BRWD3: variants seen among roughly 807,000 people sequenced by gnomAD.
The protein encoded by BRWD3 is bromodomain and WD repeat-containing protein 3.
BRWD3 carries 10 observed loss-of-function variants against 149.7 expected under a neutral mutation model. That is an observed-to-expected ratio of 0.07 (90% CI 0.04 to 0.11). The LOEUF (loss-of-function observed/expected upper bound fraction) is 0.11. BRWD3 is among the 10% of genes least tolerant of loss of function. BRWD3 has a pLI of 1.00. For synonymous variants in BRWD3, 504 were observed against 456.7 expected, an observed-to-expected ratio of 1.10 and a Z score of -1.32; for missense variants, 940 against 1,373.2, an observed-to-expected ratio of 0.68 and a Z score of 4.99.
At chrX:80,744,916 C>A (rs1266642645) in intron 7 of BRWD3, among the ~76,000 whole-genome samples, 1 of 111,626 alleles carries the variant, frequency 9.0e-6, no homozygotes, top group Non-Finnish European at 1.9e-5. Flanking sequence ...GGTGTAATAA[C>A]TTCCCGAATA....
rs61147520 is a variant in BRWD3, at chrX:80,781,349, G to C, written c.430+10505C>G. Among the ~76,000 whole-genome samples the C allele has an allele frequency of 7.2e-3, 796 of 110,654 alleles. 7 individuals carry two copies. Among genetic ancestry groups the C allele is most frequent in the African/African-American group, 0.025 (746 of 30,384 alleles). ...TTTATCTTCTGTTTTTGCCTAATTA[G>C]GATTTGAGTGAGCTATTTTTACTAC... On this transcript the variant is annotated intron_variant, in intron 6 of 40. Transcript: ENST00000373275.
intron 6 of BRWD3, among the ~76,000 whole-genome samples, chrX:80,766,276 C>T (rs1164274816): frequency 9.0e-6 from 1 of 111,282 alleles, no homozygotes; most frequent in Non-Finnish European, 1.9e-5. Flanking sequence ...TAATGATTCT[C>T]AGGCTTTTGG....
In BRWD3 at chrX:80,723,796, A is replaced by C; in HGVS notation, c.1602T>G (p.His534Gln). The change falls in exon 16 of 41, where the codon CAT becomes CAG. Residue 534 changes from histidine (H) to glutamine (Q), a missense_variant. By Grantham distance (24) the His-to-Gln change is conservative (BLOSUM62 0). Transcript: ENST00000373275. ...DGNHFACTDS[H>Q]GHLLLFGFGC... ...CAAAACCAAAAAGCAGCAAATGTCC[A>C]TGAGAATCTGTGCAGGCAAAATGGT... The C allele has an allele frequency of 1.7e-6, 2 of 1,210,894 alleles. No individual in the cohort carries two copies.
rs781736002 is a variant in BRWD3 at position 80,754,484 on chromosome X, T to C, written c.431-8755A>G. ...TAATTTGACTTCCTCTTTTCCAATT[T>C]GGATGCCTTTTATTTCTTCTCTCAT... is the stretch of plus-strand genomic sequence containing the variant. On this transcript the variant is annotated intron_variant, in intron 6 of 40. Coordinates refer to ENST00000373275, the MANE Select transcript of BRWD3 (RefSeq NM_153252.5). Among the ~76,000 whole-genome samples the C allele has an allele frequency of 3.6e-5, 4 of 111,721 alleles. No individual in the cohort carries two copies. The East Asian group carries it at 1.1e-3, about 32-fold the overall frequency.
chrX:80,691,997 A>C lies in BRWD3; in HGVS notation c.3326-19T>G. 2.5e-6 allele frequency: 3 copies of C among 1,185,687 alleles called. No homozygotes were observed. The highest frequency in any genetic ancestry group is 3.4e-6 in the Non-Finnish European group (3 of 882,137). On this transcript the variant is annotated intron_variant, in intron 29 of 40. Transcript: ENST00000373275. ...AAGGCAGCTAGGTATAAGATAAAAA[A>C]AAAAAAATTAGAAAAAATTATTTTC... is the stretch of plus-strand genomic sequence containing the variant.
chrX:80,735,248 G>A (rs1276766523), intron 9 of BRWD3, 51 bp from the exon 10 acceptor site: 5 of 998,861 alleles, frequency 5.0e-6, no homozygotes, highest in Middle Eastern at 2.5e-4. Context: ...TGGCTAATGG[G>A]CCAGAATGTT....
chrX:80,705,366 T>C (rs770919799), intron 22 of BRWD3, among the ~76,000 whole-genome samples: 1 of 111,735 alleles, frequency 8.9e-6, no homozygotes, highest in East Asian at 2.8e-4. Context: ...ATTATAATTA[T>C]AATGCTTAGT....
rs1247033750 is a variant in BRWD3 at position 80,676,343 on chromosome X, G to C, written c.*266C>G. 29 of 362,729 alleles carry C rather than the reference G, an allele frequency of 8.0e-5. No individual in the cohort carries two copies. The highest frequency in any genetic ancestry group is 7.5e-4 in the African/African-American group (29 of 38,769). The allele number at this position is 362,729 out of a possible 1,213,427, so 29.9% of individuals were successfully genotyped here. On this transcript the variant is annotated 3_prime_UTR_variant, in exon 41 of 41. Transcript: ENST00000373275. ...TCTGTGTTGTGTTTCGTGTGTGTGT[G>C]TCTGTGTGTGTGTATGTGTGTGTAT...
rs1285264458 is a variant in BRWD3, at chrX:80,709,458, A to G, written c.2445T>C (p.Gly815=). The G allele has an allele frequency of 1.9e-5, 23 of 1,207,640 alleles. No homozygotes were observed. The highest frequency in any genetic ancestry group is 2.6e-5 in the Non-Finnish European group (23 of 893,235). Residue 815 remains glycine, a synonymous_variant, in exon 21 of 41, where the codon GGT becomes GGC. Coordinates refer to ENST00000373275, the MANE Select transcript of BRWD3 (RefSeq NM_153252.5). ...HNSQASCQNS[G]VQEDSDSSSE... is the part of the protein sequence containing the mutation. The stretch of plus-strand genomic sequence containing the variant: ...AAGAACTGTCTGAGTCTTCCTGTAC[A>G]CCTGAATTTTGACATGATGCCTGTG...
chrX:80,709,914 G>A, intron 20 of BRWD3: 2 of 799,621 alleles, frequency 2.5e-6, no homozygotes, highest in Non-Finnish European at 3.8e-6. Flanking sequence ...AACCAGACCT[G>A]TGCTGGAACC....
In BRWD3 at chrX:80,786,643, T is replaced by C. The variant is rs1451152727; in HGVS notation, c.430+5211A>G. Among the ~76,000 whole-genome samples the C allele has an allele frequency of 2.7e-5, 3 of 111,088 alleles. No individual in the cohort carries two copies. In the East Asian group the frequency reaches 8.5e-4, roughly 31 times the overall value. On this transcript the variant is annotated intron_variant, in intron 6 of 40. Transcript: ENST00000373275. ...GATTCTCCTGCCTCAGCCTCCCAAG[T>C]AGCTAGGATTACAGGCATGCACCAC...
chrX:80,754,623 A>G (rs1312601489), intron 6 of BRWD3, among the ~76,000 whole-genome samples: 2 of 112,287 alleles, frequency 1.8e-5, no homozygotes, highest in Non-Finnish European at 3.8e-5. Flanking sequence ...CTCATTCAAT[A>G]TGACACTAGC....
At chrX:80,738,869 G>A (rs1248764037) in intron 8 of BRWD3, among the ~76,000 whole-genome samples, 5 of 111,742 alleles carry the variant, frequency 4.5e-5, no homozygotes, top group Non-Finnish European at 7.5e-5. Context: ...AAACAAACAC[G>A]CAGTAGATGA....
intron 6 of BRWD3, among the ~76,000 whole-genome samples, chrX:80,765,690 T>TA (rs2073851428): frequency 8.9e-6 from 1 of 111,825 alleles, no homozygotes; most frequent in Non-Finnish European, 1.9e-5. Flanking sequence ...AACTTATATT[T>TA]AATGTTAACT....
intron 33 of BRWD3, among the ~76,000 whole-genome samples, chrX:80,688,353 C>A (rs2072562736): frequency 9.0e-6 from 1 of 111,153 alleles, no homozygotes. Flanking sequence ...TCTCTTTAAA[C>A]AAGAATCGGA....
At chrX:80,697,445 A>G (rs1418253017) in intron 25 of BRWD3, among the ~76,000 whole-genome samples, 2 of 111,208 alleles carry the variant, frequency 1.8e-5, no homozygotes, top group East Asian at 5.7e-4. Flanking sequence ...TGTAACAAAT[A>G]GCTAAGTTTT....
Position 80,725,073 on chromosome X carries a change from A to G in BRWD3, c.1387-6T>C. On this transcript the variant is annotated splice_polypyrimidine_tract_variant and splice_region_variant and intron_variant, in intron 14 of 40. Coordinates refer to ENST00000373275, the MANE Select transcript of BRWD3 (RefSeq NM_153252.5). The stretch of plus-strand genomic sequence containing the variant: ...AATACTTCATCATCATGTCCCTATA[A>G]TAAAAATCAGTATTAACAATGAAAG... The G allele has an allele frequency of 8.3e-7, 1 of 1,206,550 alleles. No homozygotes were observed. The highest frequency in any genetic ancestry group is 1.1e-6 in the Non-Finnish European group (1 of 891,764).
At chrX:80,790,835 T>G (rs770284068) in intron 6 of BRWD3, among the ~76,000 whole-genome samples, 3 of 111,902 alleles carry the variant, frequency 2.7e-5, no homozygotes, top group Admixed American at 1.9e-4. Context: ...AATATATTAA[T>G]TATGACTAAA....
chrX:80,685,568 A>G (rs1376027281), intron 35 of BRWD3, 32 bp from the exon 36 acceptor site: 2 of 1,066,831 alleles, frequency 1.9e-6, no homozygotes, highest in South Asian at 3.8e-5. Context: ...ACTGGTTTCC[A>G]GACAACTATA....
Sources: allele counts gnomAD v4.1 joint callset (sites outside exome capture counted in the v4.1 genomes callset), GRCh38; gene constraint gnomAD v4.1.1; transcripts MANE v1.5; gene names NCBI Gene and HGNC (gene_info 2026-07-23, HGNC 2026-07-21).